Variants in GRIA3 observed in about 807,000 individuals in gnomAD.
GRIA3 encodes the protein glutamate receptor 3.
In GRIA3, 3 loss-of-function variants were observed where a neutral mutation model predicts 63.0. That is an observed-to-expected ratio of 0.05 (90% CI 0.02 to 0.12). The LOEUF (loss-of-function observed/expected upper bound fraction) is 0.12. GRIA3 is among the 10% of genes least tolerant of loss of function. The probability of loss-of-function intolerance (pLI) is 1.00; values close to 1 mark genes in which losing one functional copy is unlikely to be tolerated. For synonymous variants in GRIA3, 274 were observed against 257.9 expected (o/e 1.06, Z -0.60); for missense variants, 347 against 700.9 (o/e 0.50, Z 5.70).
chrX:123,465,256 C>G (rs1296334641), intron 13 of GRIA3, 144 bp downstream of exon 13: 1 of 574,146 alleles, frequency 1.7e-6, no homozygotes, highest in Non-Finnish European at 2.7e-6. Context: ...TTAAATAAGA[C>G]GGTAAATTAT....
At chrX:123,487,519 G>GA (rs1216047735) in intron 15 of GRIA3, among the ~76,000 whole-genome samples, 10 of 106,330 alleles carry the variant, frequency 9.4e-5, no homozygotes, top group East Asian at 5.8e-4. Flanking sequence ...TGTTAAGTAT[G>GA]AAAAAAAAAA....
intron 4 of GRIA3, among the ~76,000 whole-genome samples, chrX:123,332,247 G>T (rs186271891): frequency 9.0e-6 from 1 of 110,841 alleles, no homozygotes; most frequent in Admixed American, 9.6e-5. Context: ...GGATTAACTA[G>T]ATTTTTCAGC....
chrX:123,239,229 T>G, intron 2 of GRIA3, among the ~76,000 whole-genome samples: 1 of 109,809 alleles, frequency 9.1e-6, no homozygotes, highest in Non-Finnish European at 1.9e-5. Flanking sequence ...GTCATTCTCC[T>G]AGAGGACAAC....
At chrX:123,264,342 A>G (rs2044475988) in intron 3 of GRIA3, among the ~76,000 whole-genome samples, 1 of 112,033 alleles carries the variant, frequency 8.9e-6, no homozygotes, top group Non-Finnish European at 1.9e-5. Context: ...AATCAGTAAT[A>G]TACTATTGCA....
chrX:123,255,758 CTT>C (rs915391936), intron 3 of GRIA3, among the ~76,000 whole-genome samples: 1 of 109,509 alleles, frequency 9.1e-6, no homozygotes, highest in Non-Finnish European at 1.9e-5. Context: ...ACTCATGTAA[CTT>C]TATATTTTTC....
At chrX:123,464,485 T>C (rs1462777242) in intron 12 of GRIA3, among the ~76,000 whole-genome samples, 9 of 111,756 alleles carry the variant, frequency 8.1e-5, no homozygotes, top group African/African-American at 2.3e-4. Context: ...CCTGCTACGA[T>C]TAGATAAACA....
At chrX:123,456,042 A>G (rs901686522) in intron 12 of GRIA3, among the ~76,000 whole-genome samples, 3 of 111,854 alleles carry the variant, frequency 2.7e-5, no homozygotes, top group Non-Finnish European at 5.7e-5. Context: ...GGGTAGATTC[A>G]TGGAAATGAG....
At chrX:123,426,474 T>C (rs191007416) in intron 11 of GRIA3, among the ~76,000 whole-genome samples, 160 of 112,108 alleles carry the variant, frequency 1.4e-3, no homozygotes, top group Non-Finnish European at 2.6e-3. Flanking sequence ...CCCAGGGTTA[T>C]GATTTAATTG....
chrX:123,267,540 T>C (rs1420012536), intron 3 of GRIA3, among the ~76,000 whole-genome samples: 1 of 112,081 alleles, frequency 8.9e-6, no homozygotes, highest in Non-Finnish European at 1.9e-5. Context: ...GCCACATGAA[T>C]TCTCTAAAGA....
At chrX:123,405,243 A>G (rs763208172) in intron 10 of GRIA3, among the ~76,000 whole-genome samples, 1 of 112,060 alleles carries the variant, frequency 8.9e-6, no homozygotes, top group African/African-American at 3.2e-5. Context: ...TTGCCTAAGC[A>G]ACTTTGCCTA....
At chrX:123,368,441 C>T (rs189805055) in intron 5 of GRIA3, among the ~76,000 whole-genome samples, 51 of 111,140 alleles carry the variant, frequency 4.6e-4, no homozygotes, top group African/African-American at 1.7e-3. Flanking sequence ...GTATTGAAGG[C>T]CTAATGCTGT....
chrX:123,425,469 T>C (rs1233698479), intron 11 of GRIA3, among the ~76,000 whole-genome samples: 1 of 112,279 alleles, frequency 8.9e-6, no homozygotes, highest in Admixed American at 9.5e-5. Context: ...TCTATTACTA[T>C]GGATGTTTCT....
chrX:123,408,821 C>G (rs958777049), intron 10 of GRIA3, among the ~76,000 whole-genome samples: 1 of 112,186 alleles, frequency 8.9e-6, no homozygotes, highest in Non-Finnish European at 1.9e-5. Flanking sequence ...ACCAACCCAT[C>G]GGAGAAGACT....
chrX:123,210,570 A>C (rs187567319), intron 2 of GRIA3, among the ~76,000 whole-genome samples: 35 of 111,641 alleles, frequency 3.1e-4, no homozygotes, highest in African/African-American at 1.1e-3. Flanking sequence ...TCAGTAAAAT[A>C]AAGGGTTTAG....
intron 12 of GRIA3, among the ~76,000 whole-genome samples, chrX:123,454,214 T>C (rs1354487459): frequency 9.0e-6 from 1 of 110,935 alleles, no homozygotes; most frequent in African/African-American, 3.3e-5. Flanking sequence ...AATAGTGTAC[T>C]GTTTGAGAGC....
intron 2 of GRIA3, among the ~76,000 whole-genome samples, chrX:123,233,034 G>A (rs186547455): frequency 1.8e-5 from 2 of 110,979 alleles, no homozygotes; most frequent in African/African-American, 6.6e-5. Context: ...TCCCACCACC[G>A]AGAACAATAA....
intron 5 of GRIA3, among the ~76,000 whole-genome samples, chrX:123,365,490 T>A (rs2045204635): frequency 1.8e-5 from 2 of 111,202 alleles, no homozygotes; most frequent in African/African-American, 6.5e-5. Flanking sequence ...TCCTTGAAAA[T>A]GAAGTTAAGA....
intron 2 of GRIA3, chrX:123,204,752 A>C: frequency 1.6e-6 from 1 of 614,798 alleles, no homozygotes; most frequent in Non-Finnish European, 2.2e-6. Context: ...ATGATAAAGA[A>C]TTAACTTTTC....
chrX:123,251,872 A>G (rs954600324), intron 2 of GRIA3, among the ~76,000 whole-genome samples: 1 of 112,186 alleles, frequency 8.9e-6, no homozygotes, highest in Non-Finnish European at 1.9e-5. Context: ...CCCTCAAGCC[A>G]ATGGCTAATG....
Sources: allele counts gnomAD v4.1 joint callset (sites outside exome capture counted in the v4.1 genomes callset), GRCh38; gene constraint gnomAD v4.1.1; transcripts MANE v1.5; gene names NCBI Gene and HGNC (gene_info 2026-07-23, HGNC 2026-07-21).